The following PTPRM variants were observed in gnomAD, a reference collection of about 807,000 sequenced individuals.
PTPRM encodes the protein protein tyrosine phosphatase receptor type M.
Under a neutral mutation model 186.7 loss-of-function variants are expected in PTPRM, and 47 were observed. The observed-to-expected ratio is 0.25, with a 90% CI of 0.20 to 0.32. The LOEUF (loss-of-function observed/expected upper bound fraction) is 0.32. Among genes scored for constraint, PTPRM ranks in the 10% least tolerant of loss-of-function variants. The pLI, the probability that PTPRM is intolerant of heterozygous loss-of-function variation, is 1.00. For missense variants in PTPRM, 1,494 were observed against 1,865.0 expected (o/e 0.80, Z 3.66); for synonymous variants, 668 against 674.9 (o/e 0.99, Z 0.16).
chr18:8,299,293 C>A (rs1248061441), intron 20 of PTPRM, among the ~76,000 whole-genome samples: 2 of 152,148 alleles, frequency 1.3e-5, no homozygotes. Context: ...AATATTTATT[C>A]ATCACTTTCT....
intron 3 of PTPRM, among the ~76,000 whole-genome samples, chr18:7,894,972 TAG>T (rs1479930993): frequency 6.6e-6 from 1 of 152,238 alleles, no homozygotes; most frequent in East Asian, 1.9e-4. Context: ...AATTTCACAC[TAG>T]TAAGTAGTTT....
chr18:8,301,268 A>T (rs1280321909), intron 20 of PTPRM, among the ~76,000 whole-genome samples: 1 of 152,140 alleles, frequency 6.6e-6, no homozygotes, highest in Non-Finnish European at 1.5e-5. Context: ...GCTCTTAAGT[A>T]AGTTAACTTT....
At chr18:8,362,319 T>C in intron 23 of PTPRM, among the ~76,000 whole-genome samples, 1 of 152,190 alleles carries the variant, frequency 6.6e-6, no homozygotes, top group Non-Finnish European at 1.5e-5. Flanking sequence ...AGTGATTACA[T>C]ACACCTACAC....
chr18:8,237,702 T>G (rs985745671), intron 14 of PTPRM, among the ~76,000 whole-genome samples: 1 of 152,080 alleles, frequency 6.6e-6, no homozygotes, highest in African/African-American at 2.4e-5. Flanking sequence ...CACCTCGGCC[T>G]CCCAAAGTGC....
chr18:8,018,275 A>T (rs2084998824), intron 7 of PTPRM, among the ~76,000 whole-genome samples: 1 of 152,202 alleles, frequency 6.6e-6, no homozygotes, highest in South Asian at 2.1e-4. Flanking sequence ...CCTGGGCAAC[A>T]TAGAGTTCAT....
At chr18:7,983,156 G>A (rs747839408) in intron 7 of PTPRM, among the ~76,000 whole-genome samples, 6 of 152,152 alleles carry the variant, frequency 3.9e-5, no homozygotes, top group Non-Finnish European at 8.8e-5. Context: ...CTGCACAGCA[G>A]GAAGTGAGCC....
At chr18:7,776,208 G>A (rs1161708716) in intron 2 of PTPRM, among the ~76,000 whole-genome samples, 1 of 152,180 alleles carries the variant, frequency 6.6e-6, no homozygotes, top group Non-Finnish European at 1.5e-5. Context: ...GGCCTTTGTA[G>A]CATAAGATCT....
At chr18:8,185,054 G>C (rs1260426398) in intron 14 of PTPRM, among the ~76,000 whole-genome samples, 4 of 151,878 alleles carry the variant, frequency 2.6e-5, no homozygotes, top group African/African-American at 9.7e-5. Context: ...GTAGTTTTGA[G>C]ATATATTAAC....
At chr18:8,019,454 G>C (rs2085074453) in intron 7 of PTPRM, among the ~76,000 whole-genome samples, 1 of 152,040 alleles carries the variant, frequency 6.6e-6, no homozygotes, top group African/African-American at 2.4e-5. Flanking sequence ...ATAGACCTTA[G>C]GATTTGTTGG....
intron 5 of PTPRM, among the ~76,000 whole-genome samples, chr18:7,945,603 A>G (rs2052470331): frequency 6.6e-6 from 1 of 152,344 alleles, no homozygotes; most frequent in Admixed American, 6.5e-5. Context: ...ATATTCTGTT[A>G]TAAGCAACAG....
At chr18:8,258,940 CT>C (rs148507222) in intron 19 of PTPRM, among the ~76,000 whole-genome samples, 2,841 of 151,872 alleles carry the variant, frequency 0.019, 84 homozygotes, top group African/African-American at 0.065. Flanking sequence ...ATTCCACGTA[CT>C]TTTTTTGTTT....
At chr18:7,593,371 A>T (rs1032411761) in intron 1 of PTPRM, among the ~76,000 whole-genome samples, 3 of 152,264 alleles carry the variant, frequency 2.0e-5, no homozygotes, top group Non-Finnish European at 4.4e-5. Context: ...AGCACCACAC[A>T]GGCAGCATTC....
intron 7 of PTPRM, among the ~76,000 whole-genome samples, chr18:8,015,079 TAGTG>T (rs2084774776): frequency 6.6e-6 from 1 of 152,156 alleles, no homozygotes; most frequent in Admixed American, 6.5e-5. Flanking sequence ...GCATGTGGCT[TAGTG>T]AACTTACTGG....
intron 19 of PTPRM, among the ~76,000 whole-genome samples, chr18:8,279,550 G>T (rs1295880966): frequency 1.3e-5 from 2 of 152,162 alleles, no homozygotes; most frequent in African/African-American, 4.8e-5. Context: ...CCAGCAGTGG[G>T]GTGGAGCTGC....
chr18:7,618,997 G>C (rs983095251), intron 1 of PTPRM, among the ~76,000 whole-genome samples: 1 of 152,166 alleles, frequency 6.6e-6, no homozygotes, highest in Admixed American at 6.5e-5. Flanking sequence ...GCATGAAACA[G>C]TCCCCGGGCT....
At chr18:7,623,656 T>G (rs777338551) in intron 1 of PTPRM, among the ~76,000 whole-genome samples, 1 of 152,194 alleles carries the variant, frequency 6.6e-6, no homozygotes, top group Non-Finnish European at 1.5e-5. Context: ...TTATTAATAA[T>G]GTTACCTTGA....
At position 7,888,169 on chromosome 18, in the gene PTPRM, C is replaced by A. The variant is rs1198322168; in HGVS notation, c.260C>A (p.Pro87His). The change falls in exon 3 of 33, where the codon CCC (proline) becomes CAC (histidine). Residue 87 changes from proline to histidine, a missense_variant. Around this residue, in one of 3 missense-constraint regions of PTPRM, gnomAD observed 296 missense variants for 345.5 expected, o/e 0.86. Transcript: ENST00000580170. The part of the protein sequence containing the change: ...PEGQRAHLLL[P>H]QLKENDTHCI... ...GGGCAGAGAGCCCACCTGCTCTTAC[C>A]CCAACTTAAAGAAAATGACACCCAC... The A allele has an allele frequency of 6.2e-7, 1 of 1,614,086 alleles. No individual in the cohort carries two copies. Among genetic ancestry groups the A allele is most frequent in the Non-Finnish European group, 8.5e-7 (1 of 1,179,992 alleles).
chr18:8,351,887 C>T (rs1174187435), intron 23 of PTPRM, among the ~76,000 whole-genome samples: 1 of 152,162 alleles, frequency 6.6e-6, no homozygotes, highest in Non-Finnish European at 1.5e-5. Context: ...AACACCAGCT[C>T]CTCCAGGAAA....
chr18:7,966,435 C>G (rs1465316873), intron 7 of PTPRM, among the ~76,000 whole-genome samples: 1 of 152,080 alleles, frequency 6.6e-6, no homozygotes, highest in African/African-American at 2.4e-5. Flanking sequence ...GCATTGAAAC[C>G]CTTTCTAGAA....
Sources: gnomAD v4.1 joint callset for allele counts (sites outside exome capture counted in the v4.1 genomes callset) on GRCh38, gnomAD v4.1.1 for gene constraint, gnomAD v4.1.1 regional missense constraint, MANE v1.5 for transcripts, NCBI Gene and HGNC (gene_info 2026-07-23, HGNC 2026-07-21) for gene names.